IL1R1: variants seen among roughly 807,000 people sequenced by gnomAD.
The protein encoded by IL1R1 is interleukin-1 receptor type 1.
Under a neutral mutation model 50.2 loss-of-function variants are expected in IL1R1, and 22 were observed. That is an observed-to-expected ratio of 0.44 (90% CI 0.31 to 0.63). The LOEUF (loss-of-function observed/expected upper bound fraction) is 0.63. IL1R1 is among the 20% of genes least tolerant of loss of function. IL1R1 has a pLI of 0.07. For missense variants in IL1R1, 509 were observed against 676.2 expected (o/e 0.75, Z 2.74); for synonymous variants, 251 against 236.7 (o/e 1.06, Z -0.55).
At chr2:102,085,513 A>C (rs546905333) in intron 1 of IL1R1, among the ~76,000 whole-genome samples, 1 of 152,184 alleles carries the variant, frequency 6.6e-6, no homozygotes, top group South Asian at 2.1e-4. Flanking sequence ...GTTGGGCATA[A>C]ATCAGGTAAC....
At position 102,177,867 on chromosome 2, in the gene IL1R1, A is replaced by T. The variant is rs1686272673; in HGVS notation, c.*1108A>T. Reference sequence around the variant, plus strand: ...AGCCCACACATGAACCATCCTTCCCATGATGCCGCTCTTCTGTCATCCCGC... The same window carrying T: ...AGCCCACACATGAACCATCCTTCCCTTGATGCCGCTCTTCTGTCATCCCGC... On this transcript the variant is annotated 3_prime_UTR_variant, in exon 12 of 12. Transcript: ENST00000410023. 1 of 152,398 alleles carries T rather than the reference A, an allele frequency of 6.6e-6. No individual in the cohort carries two copies. The highest frequency in any genetic ancestry group is 2.4e-5 in the African/African-American group (1 of 41,364). The allele number at this position is 152,398 out of a possible 1,614,324, so 9.4% of individuals were successfully genotyped here.
chr2:102,141,083 C>A (rs1324276413), upstream of IL1R1, among the ~76,000 whole-genome samples: 9 of 152,236 alleles, frequency 5.9e-5, no homozygotes, highest in Non-Finnish European at 1.3e-4. Flanking sequence ...TGTTCACCAT[C>A]ATAGTGCTTC....
intron 1 of IL1R1, among the ~76,000 whole-genome samples, chr2:102,114,960 A>G (rs1434846476): frequency 6.6e-6 from 1 of 152,166 alleles, no homozygotes; most frequent in Non-Finnish European, 1.5e-5. Flanking sequence ...CAGTGCTGAA[A>G]ATGGACATTG....
intron 2 of IL1R1, among the ~76,000 whole-genome samples, chr2:102,156,632 C>T (rs544805533): frequency 6.6e-6 from 1 of 152,206 alleles, no homozygotes; most frequent in East Asian, 1.9e-4. Flanking sequence ...CCACCTCAGC[C>T]TCCCCAGTGG....
intron 10 of IL1R1, 93 bp downstream of exon 10, chr2:102,174,823 G>T (rs1685980308): frequency 6.6e-6 from 7 of 1,055,202 alleles, no homozygotes; most frequent in Admixed American, 2.7e-5. Flanking sequence ...TACTAAGAGG[G>T]TTTCTAAAAT....
chr2:102,092,398 A>T (rs1211598133), intron 1 of IL1R1, among the ~76,000 whole-genome samples: 1 of 152,126 alleles, frequency 6.6e-6, no homozygotes, highest in Non-Finnish European at 1.5e-5. Context: ...TCTTCAATTT[A>T]TCCATGTTTG....
chr2:102,082,813 C>T (rs1398426274), intron 1 of IL1R1, among the ~76,000 whole-genome samples: 3 of 152,152 alleles, frequency 2.0e-5, no homozygotes, highest in Non-Finnish European at 4.4e-5. Flanking sequence ...AGCTGCTAGC[C>T]TCGCTGTAAC....
chr2:102,168,439 T>A (rs1296828493), intron 6 of IL1R1, among the ~76,000 whole-genome samples, 159 bp from the exon 7 acceptor site: 1 of 152,234 alleles, frequency 6.6e-6, no homozygotes, highest in Non-Finnish European at 1.5e-5. Context: ...CTCAGCTTTC[T>A]TCCTTCACTT....
At chr2:102,072,204 G>A (rs561643743) in intron 1 of IL1R1, among the ~76,000 whole-genome samples, 214 of 151,042 alleles carry the variant, frequency 1.4e-3, no homozygotes, top group Non-Finnish European at 2.6e-3. Context: ...AGGTTGCAGT[G>A]AGCCGAGATT....
At chr2:102,103,309 C>A (rs752852553), upstream of IL1R1, among the ~76,000 whole-genome samples, 2 of 151,968 alleles carry the variant, frequency 1.3e-5, no homozygotes, top group Non-Finnish European at 2.9e-5. Context: ...GTGGGGTCTG[C>A]TTGAGCAAAT....
intron 1 of IL1R1, among the ~76,000 whole-genome samples, chr2:102,074,136 A>G (rs182036245): frequency 1.6e-3 from 244 of 152,310 alleles, no homozygotes; most frequent in Non-Finnish European, 2.8e-3. Context: ...AGAAGTTCAA[A>G]TATTAAGAAT....
upstream of IL1R1, among the ~76,000 whole-genome samples, chr2:102,138,020 T>G (rs2104430665): frequency 6.6e-6 from 1 of 152,270 alleles, no homozygotes; most frequent in East Asian, 1.9e-4. Context: ...GTATTACATT[T>G]AAGAATAAGT....
chr2:102,103,594 T>C (rs1680246894), upstream of IL1R1, among the ~76,000 whole-genome samples: 2 of 152,176 alleles, frequency 1.3e-5, no homozygotes, highest in African/African-American at 2.4e-5. Flanking sequence ...GGCTTGACTC[T>C]TCCTCCCTAC....
At chr2:102,169,114 GA>G (rs1559505464) in intron 7 of IL1R1, among the ~76,000 whole-genome samples, 1 of 152,104 alleles carries the variant, frequency 6.6e-6, no homozygotes, top group East Asian at 1.9e-4. Context: ...AACTTCTGAA[GA>G]ATTGATCATT....
At chr2:102,148,346 G>A (rs1019932082) in intron 1 of IL1R1, among the ~76,000 whole-genome samples, 2 of 152,206 alleles carry the variant, frequency 1.3e-5, no homozygotes, top group African/African-American at 4.8e-5. Flanking sequence ...AGGTATGAGT[G>A]TGTGGGGCTC....
intron 1 of IL1R1, among the ~76,000 whole-genome samples, chr2:102,084,221 A>G (rs1324291902): frequency 6.6e-6 from 1 of 152,232 alleles, no homozygotes; most frequent in East Asian, 1.9e-4. Flanking sequence ...AACTAAAGAC[A>G]GCCCGTTGAC....
chr2:102,099,492 G>A (rs146352797), intron 1 of IL1R1, among the ~76,000 whole-genome samples: 51 of 152,256 alleles, frequency 3.3e-4, no homozygotes, highest in African/African-American at 1.2e-3. Flanking sequence ...GGGTACCATG[G>A]CTCCTAGCAT....
upstream of IL1R1, among the ~76,000 whole-genome samples, chr2:102,102,818 A>G (rs567270066): frequency 6.6e-6 from 1 of 152,340 alleles, no homozygotes; most frequent in Admixed American, 6.5e-5. Flanking sequence ...TTATGCAGCC[A>G]TGAAAAAGAA....
upstream of IL1R1, among the ~76,000 whole-genome samples, chr2:102,140,067 G>A (rs1454894825): frequency 6.6e-6 from 1 of 152,046 alleles, no homozygotes; most frequent in African/African-American, 2.4e-5. Context: ...CTTGGAGTGG[G>A]AACAAAAACA....
Sources: allele counts gnomAD v4.1 joint callset (sites outside exome capture counted in the v4.1 genomes callset), GRCh38; gene constraint gnomAD v4.1.1; transcripts MANE v1.5; gene names NCBI Gene and HGNC (gene_info 2026-07-23, HGNC 2026-07-21).